LEPR: variants seen among roughly 807,000 people sequenced by gnomAD.
LEPR encodes the protein OB receptor.
Under a neutral mutation model 114.7 loss-of-function variants are expected in LEPR, and 56 were observed. That is an observed-to-expected ratio of 0.49 (90% confidence interval 0.39 to 0.61). LEPR has a LOEUF of 0.61. Among genes scored for constraint, LEPR ranks in the 20% least tolerant of loss-of-function variants. LEPR has a pLI of 0.00. For synonymous variants in LEPR, 443 were observed against 461.4 expected (o/e 0.96, Z 0.51); for missense variants, 1,202 against 1,352.9 (o/e 0.89, Z 1.75).
intron 8 of LEPR, among the ~76,000 whole-genome samples, chr1:65,600,108 A>T (rs560869481): frequency 1.8e-4 from 28 of 152,134 alleles, no homozygotes; most frequent in Non-Finnish European, 3.2e-4. Context: ...ATCCATGAAA[A>T]CTCAATTATA....
At chr1:65,526,416 C>T (rs1649977098) in intron 2 of LEPR, 1 of 985,196 alleles carries the variant, frequency 1.0e-6, no homozygotes, top group African/African-American at 1.7e-5. Context: ...AGAGACCCAA[C>T]TGAGGAATCA....
intron 2 of LEPR, among the ~76,000 whole-genome samples, chr1:65,521,424 T>A (rs1243499746): frequency 6.6e-6 from 1 of 152,122 alleles, no homozygotes; most frequent in Non-Finnish European, 1.5e-5. Flanking sequence ...GTCAACTGAT[T>A]ATGGACTTTA....
intron 2 of LEPR, among the ~76,000 whole-genome samples, chr1:65,551,199 A>ATGTTTTT (rs1652322702): frequency 1.3e-5 from 2 of 152,000 alleles, no homozygotes; most frequent in Non-Finnish European, 2.9e-5. Context: ...TGTCTATGCC[A>ATGTTTTT]GGTTTTAGTA....
chr1:65,530,954 G>T (rs1365158432), intron 2 of LEPR, among the ~76,000 whole-genome samples: 2 of 85,790 alleles, frequency 2.3e-5, no homozygotes, highest in South Asian at 1.1e-3. Flanking sequence ...TTTATTTTTT[G>T]CCCTCTTCAA....
intron 19 of LEPR, among the ~76,000 whole-genome samples, chr1:65,631,672 A>G (rs958332721): frequency 1.3e-5 from 2 of 152,190 alleles, no homozygotes; most frequent in African/African-American, 4.8e-5. Flanking sequence ...TTTATACCTT[A>G]AAAATCAGAA....
intron 2 of LEPR, among the ~76,000 whole-genome samples, chr1:65,552,290 A>G (rs1030203867): frequency 6.6e-6 from 1 of 152,130 alleles, no homozygotes; most frequent in Non-Finnish European, 1.5e-5. Context: ...TGATCTGTCT[A>G]ACATTGACAG....
At chr1:65,555,643 C>T (rs1373063775) in intron 2 of LEPR, among the ~76,000 whole-genome samples, 1 of 152,080 alleles carries the variant, frequency 6.6e-6, no homozygotes, top group Non-Finnish European at 1.5e-5. Context: ...ATTATAATTA[C>T]CTTATGATAA....
intron 2 of LEPR, among the ~76,000 whole-genome samples, chr1:65,555,947 A>T (rs1479153494): frequency 6.6e-6 from 1 of 152,116 alleles, no homozygotes; most frequent in Non-Finnish European, 1.5e-5. Flanking sequence ...ACTCCTTTTA[A>T]CTGTCAACAG....
rs762261309 is a variant in LEPR at position 65,636,746 on chromosome 1, A to T, written c.3229A>T (p.Ile1077Phe). The T allele has an allele frequency of 1.9e-6, 3 of 1,612,956 alleles. No individual in the cohort carries two copies. The highest frequency in any genetic ancestry group is 2.5e-6 in the Non-Finnish European group (3 of 1,179,654). The stretch of plus-strand genomic sequence containing the variant: ...TGAAGAAAATAATGATAAAAAGTCT[A>T]TCTATTATTTAGGGGTCACCTCAAT... ...FPEENNDKKSIYYLGVTSIKK... is the reference protein window; with the variant it reads ...FPEENNDKKSFYYLGVTSIKK... The change falls in exon 20 of 20, where the codon ATC (isoleucine) becomes TTC (phenylalanine). Residue 1077 changes from isoleucine to phenylalanine, a missense_variant. Transcript: ENST00000349533.
At position 65,592,882 on chromosome 1, in the gene LEPR, AATG is replaced by A. The variant is rs758397296; in HGVS notation, c.703+23_703+25del. Reference sequence around the variant, plus strand: ...TAAATATGGGTAAGTTATGCACTAAAATGATGATAATAGGTCTAAACATCAGTC... The same window carrying A: ...TAAATATGGGTAAGTTATGCACTAAAATGATAATAGGTCTAAACATCAGTC... On this transcript the variant is annotated intron_variant, in intron 6 of 19. Transcript: ENST00000349533. 2 of 1,611,798 alleles carry A rather than the reference AATG, an allele frequency of 1.2e-6. No individual in the cohort carries two copies. The highest frequency in any genetic ancestry group is 1.7e-6 in the Non-Finnish European group (2 of 1,178,344).
intron 2 of LEPR, among the ~76,000 whole-genome samples, chr1:65,475,264 C>T (rs1025972927): frequency 4.6e-5 from 7 of 152,140 alleles, no homozygotes; most frequent in African/African-American, 1.7e-4. Flanking sequence ...AGCATTCATT[C>T]TGCTCTCCTC....
intron 2 of LEPR, among the ~76,000 whole-genome samples, chr1:65,552,708 C>A (rs1652495257): frequency 6.6e-6 from 1 of 152,054 alleles, no homozygotes; most frequent in Non-Finnish European, 1.5e-5. Context: ...GCATTTAGCC[C>A]ATTTACATTT....
At chr1:65,481,152 C>T (rs993280488) in intron 2 of LEPR, among the ~76,000 whole-genome samples, 1 of 152,196 alleles carries the variant, frequency 6.6e-6, no homozygotes, top group African/African-American at 2.4e-5. Context: ...GGCATGCCTG[C>T]TGTCACATGT....
In LEPR at chr1:65,636,008, A is replaced by G. The variant is rs146014728; in HGVS notation, c.2674-183A>G. Reference sequence around the variant, plus strand: ...CTGTCTTGTCCCACTTTCAAATGCTATCATCTTAAACGGGCTCTTCCTTAT... The same window carrying G: ...CTGTCTTGTCCCACTTTCAAATGCTGTCATCTTAAACGGGCTCTTCCTTAT... On this transcript the variant is annotated intron_variant, in intron 19 of 19. Coordinates refer to ENST00000349533, the MANE Select transcript of LEPR (RefSeq NM_002303.6). Among the ~76,000 whole-genome samples, 23 of 152,302 alleles carry G rather than the reference A, an allele frequency of 1.5e-4. No individual in the cohort carries two copies. The East Asian group carries it at 4.4e-3, about 29-fold the overall frequency.
At chr1:65,595,093 G>A (rs1655968914) in intron 6 of LEPR, among the ~76,000 whole-genome samples, 1 of 152,008 alleles carries the variant, frequency 6.6e-6, no homozygotes, top group East Asian at 1.9e-4. Context: ...TTGGAGTAAA[G>A]GGGAAGCTTG....
At chr1:65,605,513 G>A (rs1656751202) in intron 11 of LEPR, among the ~76,000 whole-genome samples, 1 of 152,096 alleles carries the variant, frequency 6.6e-6, no homozygotes, top group Admixed American at 6.5e-5. Flanking sequence ...TTTTAGTAGT[G>A]TTTTTCTAAA....
chr1:65,472,661 T>G (rs1368602863), intron 2 of LEPR, among the ~76,000 whole-genome samples: 1 of 146,438 alleles, frequency 6.8e-6, no homozygotes, highest in Non-Finnish European at 1.5e-5. Context: ...TATTTCTTTT[T>G]TAAAAGAGTG....
At chr1:65,544,753 G>A (rs1001506692) in intron 2 of LEPR, among the ~76,000 whole-genome samples, 1 of 151,140 alleles carries the variant, frequency 6.6e-6, no homozygotes, top group Non-Finnish European at 1.5e-5. Context: ...TTAAAACGGG[G>A]TGAAATTTTG....
At chr1:65,514,937 A>C (rs891863803) in intron 2 of LEPR, among the ~76,000 whole-genome samples, 1 of 152,272 alleles carries the variant, frequency 6.6e-6, no homozygotes, top group Non-Finnish European at 1.5e-5. Flanking sequence ...AGGGATACGC[A>C]TAAGCAATCA....
Sources: allele counts gnomAD v4.1 joint callset (sites outside exome capture counted in the v4.1 genomes callset), GRCh38; gene constraint gnomAD v4.1.1; transcripts MANE v1.5; gene names NCBI Gene and HGNC (gene_info 2026-07-23, HGNC 2026-07-21).